ICA1L: variants seen among roughly 807,000 people sequenced by gnomAD.
ICA1L encodes islet cell autoantigen 1 like.
A neutral mutation model predicts 61.3 loss-of-function variants in ICA1L; 50 were observed. The observed-to-expected ratio is 0.82, with a 90% CI of 0.65 to 1.03. ICA1L has a LOEUF of 1.03. ICA1L is among the 50% of genes least tolerant of loss of function. ICA1L has a pLI of 0.00. For synonymous variants in ICA1L, 161 were observed against 191.3 expected, an observed-to-expected ratio of 0.84 and a Z score of 1.31; for missense variants, 508 against 556.7, an observed-to-expected ratio of 0.91 and a Z score of 0.88.
At chr2:202,841,670 CTGAT>C in intron 1 of ICA1L, 1 of 565,760 alleles carries the variant, frequency 1.8e-6, no homozygotes, top group South Asian at 1.5e-5. Flanking sequence ...GCTCAAGGAG[CTGAT>C]GCAGGCACCG....
intron 1 of ICA1L, among the ~76,000 whole-genome samples, chr2:202,842,566 C>T (rs894634142): frequency 6.6e-6 from 1 of 152,198 alleles, no homozygotes; most frequent in African/African-American, 2.4e-5. Context: ...TTTTCTCTTG[C>T]TACTTTCAGG....
At chr2:202,803,692 C>T (rs1693151874) in intron 9 of ICA1L, among the ~76,000 whole-genome samples, 1 of 151,988 alleles carries the variant, frequency 6.6e-6, no homozygotes, top group Non-Finnish European at 1.5e-5. Context: ...CACGCCACCA[C>T]ACCTGCCTAA....
chr2:202,847,775 G>T (rs1236184584), intron 1 of ICA1L, among the ~76,000 whole-genome samples: 1 of 141,018 alleles, frequency 7.1e-6, no homozygotes, highest in African/African-American at 2.7e-5. Context: ...AAAGATACAG[G>T]CACTTGTATG....
intron 1 of ICA1L, chr2:202,840,869 CT>C (rs1248783511): frequency 3.1e-6 from 2 of 648,762 alleles, no homozygotes; most frequent in Admixed American, 3.8e-5. Context: ...AGATCTCAGT[CT>C]TTGCATGCCG....
At chr2:202,839,115 ATATAAT>A (rs1235248574) in intron 1 of ICA1L, among the ~76,000 whole-genome samples, 2 of 152,146 alleles carry the variant, frequency 1.3e-5, no homozygotes, top group East Asian at 1.9e-4. Context: ...ACTGCACCTG[ATATAAT>A]TATATCTAAC....
At chr2:202,804,203 A>G (rs1190559526) in intron 9 of ICA1L, among the ~76,000 whole-genome samples, 2 of 151,982 alleles carry the variant, frequency 1.3e-5, no homozygotes, top group Admixed American at 6.6e-5. Context: ...GGCATAAGCA[A>G]CTTCCTCTTT....
At chr2:202,817,567 A>G in intron 5 of ICA1L, 24 bp from the exon 6 acceptor site, 1 of 1,460,916 alleles carries the variant, frequency 6.8e-7, no homozygotes, top group Non-Finnish European at 9.5e-7. Context: ...GCTAATTTTT[A>G]TTACAGATAT....
rs1056791587 is a variant in ICA1L at position 202,776,310 on chromosome 2, T to C, written c.*3223A>G. 1 of 151,972 alleles carries C rather than the reference T, an allele frequency of 6.6e-6. No homozygotes were observed. The highest frequency in any genetic ancestry group is 1.5e-5 in the Non-Finnish European group (1 of 68,036). The allele number at this position is 151,972 out of a possible 1,614,324, so 9.4% of individuals were successfully genotyped here. A position where few individuals can be genotyped will look rare whatever the true frequency, so the allele number is the denominator to read the frequency against. On this transcript the variant is annotated 3_prime_UTR_variant, in exon 13 of 13. Transcript: ENST00000358299. ...GACACACTAGGCAAAGTTTAGCTCG[T>C]CTGGTTTTTTTTAGACTTAAAACAC...
intron 1 of ICA1L, among the ~76,000 whole-genome samples, chr2:202,839,498 CAA>C (rs59202140): frequency 3.5e-4 from 9 of 25,406 alleles, no homozygotes; most frequent in Non-Finnish European, 4.0e-4. Flanking sequence ...GACTCCGTCT[CAA>C]AAAAAAAAAA....
intron 10 of ICA1L, among the ~76,000 whole-genome samples, chr2:202,794,806 A>G (rs1692873779): frequency 6.6e-6 from 1 of 152,174 alleles, no homozygotes; most frequent in African/African-American, 2.4e-5. Flanking sequence ...CCTGTATGAA[A>G]AAAAAAGTCT....
chr2:202,841,132 G>C, intron 1 of ICA1L: 1 of 639,998 alleles, frequency 1.6e-6, no homozygotes, highest in South Asian at 1.6e-5. Flanking sequence ...TCTTCAGTCA[G>C]CCCTTCCAGG....
chr2:202,819,885 G>C lies in ICA1L; in HGVS notation c.374C>G (p.Thr125Ser). Residue 125 changes from threonine to serine, a missense_variant, in exon 5 of 13, where the codon ACT becomes AGT. By Grantham distance (58) the Thr-to-Ser change is moderately conservative. Coordinates refer to ENST00000358299, the MANE Select transcript of ICA1L (RefSeq NM_001288622.3). ...TTCTTGCTTCAGACGAGACAGAGGA[G>C]TACACAGGGCCAATCTAATGGCAGA... ...SSAKQRLALCTPLSRLKQEVA... is the reference protein window; with the variant it reads ...SSAKQRLALCSPLSRLKQEVA... 1 of 1,613,792 alleles carries C rather than the reference G, an allele frequency of 6.2e-7. No homozygotes were observed. The highest frequency in any genetic ancestry group is 8.5e-7 in the Non-Finnish European group (1 of 1,179,768).
intron 8 of ICA1L, among the ~76,000 whole-genome samples, chr2:202,812,480 G>C (rs1163445291): frequency 6.6e-6 from 1 of 152,110 alleles, no homozygotes; most frequent in Non-Finnish European, 1.5e-5. Flanking sequence ...AGGAGGCTGA[G>C]GCAGGAGAAT....
At chr2:202,802,587 C>A (rs1693111596) in intron 9 of ICA1L, among the ~76,000 whole-genome samples, 1 of 151,804 alleles carries the variant, frequency 6.6e-6, no homozygotes, top group African/African-American at 2.4e-5. Flanking sequence ...AAGAGCATAT[C>A]CTAAAAACGG....
chr2:202,797,089 G>A, intron 9 of ICA1L, 125 bp from the exon 10 acceptor site: 113 of 489,670 alleles, frequency 2.3e-4, no homozygotes, highest in South Asian at 9.0e-4. Context: ...CATACAAAAG[G>A]GAAACATAAA....
chr2:202,821,302 A>G (rs1693695491), intron 4 of ICA1L, 56 bp downstream of exon 4: 2 of 1,562,660 alleles, frequency 1.3e-6, no homozygotes, highest in Non-Finnish European at 1.7e-6. Flanking sequence ...TTAAGTACAC[A>G]TGTCAAAACT....
intron 1 of ICA1L, among the ~76,000 whole-genome samples, chr2:202,847,703 A>ATATATATATG (rs11274512): frequency 1.5e-5 from 2 of 131,234 alleles, no homozygotes; most frequent in African/African-American, 2.9e-5. Flanking sequence ...AATTATATAT[A>ATATATATATG]TATATAGTTA....
chr2:202,781,647 A>G (rs1348476848), intron 12 of ICA1L, among the ~76,000 whole-genome samples: 1 of 151,632 alleles, frequency 6.6e-6, no homozygotes, highest in African/African-American at 2.4e-5. Context: ...TCCAGTCACT[A>G]TTCACACACC....
intron 1 of ICA1L, chr2:202,860,185 T>A (rs1421027489): frequency 6.6e-6 from 1 of 151,372 alleles, no homozygotes; most frequent in Non-Finnish European, 1.5e-5. Flanking sequence ...TGGGGGAAGA[T>A]TGCTTGAGCC....
Sources: allele counts gnomAD v4.1 joint callset (sites outside exome capture counted in the v4.1 genomes callset), GRCh38; gene constraint gnomAD v4.1.1; transcripts MANE v1.5; gene names NCBI Gene and HGNC (gene_info 2026-07-23, HGNC 2026-07-21).